Variants in SHBG observed in about 807,000 individuals in gnomAD.
The protein encoded by SHBG is sex hormone-binding globulin.
Under a neutral mutation model 41.9 loss-of-function variants are expected in SHBG, and 37 were observed. The ratio of observed to expected loss-of-function variants is 0.88; its 90% confidence interval spans 0.68 to 1.16. SHBG has a LOEUF of 1.16. Among genes scored for constraint, SHBG ranks in the 50% most tolerant of loss-of-function variants. SHBG has a pLI of 0.00. For synonymous variants in SHBG, 217 were observed against 205.8 expected (o/e 1.05, Z -0.47); for missense variants, 466 against 499.9 (o/e 0.93, Z 0.65).
chr17:7,614,645 G>T (rs1053586202), intron 1 of SHBG: 13 of 533,702 alleles, frequency 2.4e-5, no homozygotes, highest in Admixed American at 1.4e-4. Context: ...GGGAGCCGCG[G>T]GGGGCGGGAG....
At chr17:7,614,318 G>A (rs1167076388) in intron 1 of SHBG, 4 of 711,408 alleles carry the variant, frequency 5.6e-6, no homozygotes, top group Non-Finnish European at 9.5e-6. Flanking sequence ...AGGGAAGGCT[G>A]CGGGTTGGAG....
intron 1 of SHBG, among the ~76,000 whole-genome samples, chr17:7,615,663 C>T (rs2071969523): frequency 7.4e-6 from 1 of 135,696 alleles, no homozygotes; most frequent in South Asian, 2.6e-4. Context: ...CCCCCCACCC[C>T]GCATCTAATA....
intron 1 of SHBG, among the ~76,000 whole-genome samples, chr17:7,614,264 G>A (rs777080412): frequency 6.6e-6 from 1 of 152,094 alleles, no homozygotes; most frequent in East Asian, 1.9e-4. Context: ...TGCCTTAGAG[G>A]GGTCAAAAAT....
At chr17:7,632,122 C>A in intron 6 of SHBG, 107 bp downstream of exon 6, 1 of 1,150,864 alleles carries the variant, frequency 8.7e-7, no homozygotes, top group Non-Finnish European at 1.3e-6. Flanking sequence ...GCCCAGGGAA[C>A]ATAACAAGAC....
chr17:7,626,242 T>G, upstream of SHBG: 31 of 530,200 alleles, frequency 5.8e-5, no homozygotes, highest in East Asian at 1.3e-4. Context: ...CATCAGGACA[T>G]GTAATTCTTA....
Position 7,630,806 on chromosome 17 carries a change from C to G in SHBG, c.330C>G (p.His110Gln), listed in dbSNP as rs745607208. 8.1e-6 allele frequency: 13 copies of G among 1,613,910 alleles called. No homozygotes were observed. Among genetic ancestry groups the G allele is most frequent in the African/African-American group, 1.3e-5 (1 of 74,904 alleles). The change falls in exon 3 of 8, where the codon CAC becomes CAG. Residue 110 changes from histidine to glutamine, a missense_variant. Coordinates refer to ENST00000380450, the MANE Select transcript of SHBG (RefSeq NM_001040.5). This position sits in a 1 kb window ranked among gnomAD's most constrained non-coding sequence, Gnocchi z 4.6. ...LRDGRPEIQL[H>Q]NHWAQLTVGA... ...ACGGCAGGCCTGAGATCCAACTGCA[C>G]AATCACTGGGCCCAGCTTACGGTGG...
upstream of SHBG, chr17:7,626,808 AAG>A: frequency 6.2e-7 from 1 of 1,614,000 alleles, no homozygotes; most frequent in Non-Finnish European, 8.5e-7. Context: ...TGTGGAGAGA[AAG>A]AGGCAAAAAA....
In SHBG at chr17:7,631,876, C is replaced by T. The variant is rs2072430147; in HGVS notation, c.716-3C>T. 8 of 1,613,960 alleles carry T rather than the reference C, an allele frequency of 5.0e-6. No homozygotes were observed. The highest frequency in any genetic ancestry group is 6.8e-6 in the Non-Finnish European group (8 of 1,180,030). ...GCCTCAGGATAATCATTTCTCCCCA[C>T]AGACATTCCCCAGCCTCATGCAGAG... On this transcript the variant is annotated splice_region_variant and splice_polypyrimidine_tract_variant and intron_variant, in intron 5 of 7. Transcript: ENST00000380450.
At chr17:7,614,172 T>G in intron 1 of SHBG, 3 of 651,438 alleles carry the variant, frequency 4.6e-6, no homozygotes, top group Admixed American at 2.1e-5. Flanking sequence ...GGGTCTCTCC[T>G]GCGGAGCGGG....
chr17:7,631,168 G>A (rs1255557049), intron 3 of SHBG, 32 bp from the exon 4 acceptor site: 23 of 1,517,256 alleles, frequency 1.5e-5, no homozygotes, highest in Non-Finnish European at 2.0e-5. Flanking sequence ...AGATCCCAGG[G>A]GCCTCTGATT....
upstream of SHBG, chr17:7,627,680 C>A: frequency 6.2e-7 from 1 of 1,610,604 alleles, no homozygotes; most frequent in Non-Finnish European, 8.5e-7. This position sits in a 1 kb window ranked among gnomAD's most constrained non-coding sequence, Gnocchi z 4.8. Context: ...GCCTCGCAAA[C>A]GGCAACTAGA....
upstream of SHBG, among the ~76,000 whole-genome samples, chr17:7,629,176 C>G (rs1197652383): frequency 1.3e-5 from 2 of 151,990 alleles, no homozygotes; most frequent in Non-Finnish European, 2.9e-5. Flanking sequence ...GGTTCGAGAT[C>G]AGCCTGGGCA....
upstream of SHBG, chr17:7,626,242 T>C: frequency 1.9e-6 from 1 of 530,292 alleles, no homozygotes; most frequent in South Asian, 2.4e-5. Flanking sequence ...CATCAGGACA[T>C]GTAATTCTTA....
upstream of SHBG, chr17:7,627,178 A>T (rs1170142467): frequency 1.2e-6 from 2 of 1,614,110 alleles, no homozygotes; most frequent in Non-Finnish European, 1.7e-6. The surrounding 1 kb of genome is among the most constrained non-coding windows in gnomAD (Gnocchi z 4.8). Context: ...AATCTCTGCT[A>T]CCAAACAGTG....
chr17:7,627,739 G>T (rs1351124854), upstream of SHBG: 1 of 1,379,144 alleles, frequency 7.3e-7, no homozygotes, highest in Non-Finnish European at 1.0e-6. The surrounding 1 kb of genome is among the most constrained non-coding windows in gnomAD (Gnocchi z 4.8). Flanking sequence ...TGAGAGAGCG[G>T]GGTGGCGGGA....
upstream of SHBG, chr17:7,627,379 C>T: frequency 6.2e-7 from 1 of 1,614,212 alleles, no homozygotes; most frequent in Non-Finnish European, 8.5e-7. The surrounding 1 kb of genome is among the most constrained non-coding windows in gnomAD (Gnocchi z 4.8). Context: ...CACTGATCTT[C>T]ACCTGATCCG....
In SHBG at chr17:7,630,430, T is replaced by C; in HGVS notation, c.126T>C (p.Pro42=). 6.2e-7 allele frequency: 1 copy of C among 1,614,026 alleles called. No homozygotes were observed. The highest frequency in any genetic ancestry group is 1.7e-5 in the Admixed American group (1 of 60,008). The change falls in exon 2 of 8, where the codon CCT becomes CCC. Residue 42 remains proline, a synonymous_variant. Coordinates refer to ENST00000380450, the MANE Select transcript of SHBG (RefSeq NM_001040.5). This position sits in a 1 kb window ranked among gnomAD's most constrained non-coding sequence, Gnocchi z 4.6. ...PVLPTQSAHD[P]PAVHLSNGPG... ...CTTTCTGATAGAGTGCCCACGACCC[T>C]CCGGCTGTCCACCTCAGCAATGGCC...
In SHBG at chr17:7,615,031, C is replaced by G. The variant is rs201428958; in HGVS notation, c.-62+920C>G. Reference sequence around the variant, plus strand: ...ATTCCCTTTCACTCTCTCACTCCCCCTCCTGGTCGCTTGCTAGCGCTTGCG... The same window carrying G: ...ATTCCCTTTCACTCTCTCACTCCCCGTCCTGGTCGCTTGCTAGCGCTTGCG... On this transcript the variant is annotated intron_variant, in intron 1 of 5. Coordinates refer to the SHBG transcript ENST00000570547. Among the ~76,000 whole-genome samples the G allele has an allele frequency of 4.6e-4, 70 of 152,330 alleles. No individual in the cohort carries two copies. In the East Asian group the frequency reaches 5.4e-3, roughly 12 times the overall value.
At chr17:7,627,662 G>T, upstream of SHBG, 1 of 1,613,950 alleles carries the variant, frequency 6.2e-7, no homozygotes, top group East Asian at 2.2e-5. This position sits in a 1 kb window ranked among gnomAD's most constrained non-coding sequence, Gnocchi z 4.8. Flanking sequence ...TGGGACCAAA[G>T]TCCCAGGGCC....
Sources: gnomAD v4.1 joint callset for allele counts (sites outside exome capture counted in the v4.1 genomes callset) on GRCh38, gnomAD v4.1.1 for gene constraint, Gnocchi (gnomAD v3.1) non-coding constraint, MANE v1.5 for transcripts, NCBI Gene and HGNC (gene_info 2026-07-23, HGNC 2026-07-21) for gene names.